The following PDE4B variants were observed in gnomAD, a reference collection of about 807,000 sequenced individuals.
PDE4B encodes 3',5'-cyclic-AMP phosphodiesterase 4B.
A neutral mutation model predicts 82.2 loss-of-function variants in PDE4B; 20 were observed. The observed-to-expected ratio is 0.24, with a 90% CI of 0.17 to 0.35. PDE4B has a LOEUF of 0.35. Ranked by LOEUF, PDE4B falls within the 10% of genes least tolerant of loss-of-function variation. The pLI is 1.00. For missense variants in PDE4B, 655 were observed against 907.2 expected, an observed-to-expected ratio of 0.72 and a Z score of 3.57; for synonymous variants, 320 against 318.9, an observed-to-expected ratio of 1.00 and a Z score of -0.04.
intron 4 of PDE4B, chr1:66,257,397 T>C (rs1180408372): frequency 1.5e-6 from 1 of 687,748 alleles, no homozygotes; most frequent in Admixed American, 2.0e-5. Context: ...TGAGGATATA[T>C]GCTTACTTGC....
At chr1:66,055,346 A>G (rs998740597) in intron 3 of PDE4B, among the ~76,000 whole-genome samples, 11 of 152,334 alleles carry the variant, frequency 7.2e-5, no homozygotes, top group African/African-American at 2.6e-4. Flanking sequence ...TTGAGCCTCG[A>G]TTATCTTTTG....
chr1:65,818,710 A>G (rs1645915827), intron 1 of PDE4B, among the ~76,000 whole-genome samples: 1 of 149,810 alleles, frequency 6.7e-6, no homozygotes, highest in Admixed American at 6.7e-5. Flanking sequence ...ATATAAAATA[A>G]CAAAAATCTT....
intron 7 of PDE4B, among the ~76,000 whole-genome samples, chr1:66,272,263 C>G (rs17097232): frequency 3.3e-5 from 5 of 152,136 alleles, no homozygotes; most frequent in African/African-American, 9.7e-5. Context: ...GCCAGAGATT[C>G]GCCTCACACA....
At chr1:66,143,865 C>T (rs1646220531) in intron 3 of PDE4B, among the ~76,000 whole-genome samples, 1 of 152,120 alleles carries the variant, frequency 6.6e-6, no homozygotes, top group Admixed American at 6.6e-5. Context: ...ACCACGATGG[C>T]AGATGTCTTG....
chr1:66,040,891 A>G (rs1654330984), intron 3 of PDE4B, among the ~76,000 whole-genome samples: 1 of 151,936 alleles, frequency 6.6e-6, no homozygotes, highest in Admixed American at 6.6e-5. Context: ...AAAAGGAAGT[A>G]GGAAAGACAA....
At chr1:66,130,338 T>C (rs757093163) in intron 3 of PDE4B, among the ~76,000 whole-genome samples, 22 of 152,238 alleles carry the variant, frequency 1.4e-4, no homozygotes, top group Admixed American at 5.2e-4. Context: ...CGTTCATTCA[T>C]TTATTCTTTC....
intron 3 of PDE4B, chr1:65,992,366 T>A (rs1218316234): frequency 6.6e-6 from 1 of 152,214 alleles, no homozygotes; most frequent in African/African-American, 2.4e-5. Flanking sequence ...GTAGGTGGAG[T>A]TACTGTTGTG....
intron 12 of PDE4B, among the ~76,000 whole-genome samples, chr1:66,363,787 A>T (rs180866475): frequency 1.3e-5 from 2 of 152,138 alleles, no homozygotes; most frequent in African/African-American, 2.4e-5. Flanking sequence ...AAAATAAAAA[A>T]AATTTAAAAA....
intron 3 of PDE4B, among the ~76,000 whole-genome samples, chr1:66,205,650 TA>T (rs1181619257): frequency 6.6e-6 from 1 of 152,266 alleles, no homozygotes; most frequent in Non-Finnish European, 1.5e-5. Context: ...CACAGTTTGC[TA>T]TGGCTTACAA....
At chr1:66,072,017 A>C (rs150957842) in intron 3 of PDE4B, among the ~76,000 whole-genome samples, 1 of 152,072 alleles carries the variant, frequency 6.6e-6, no homozygotes, top group African/African-American at 2.4e-5. Flanking sequence ...GCACCAGTAC[A>C]TCTCCAAGAC....
chr1:65,825,705 C>CTATCTATTTATCTAT, intron 1 of PDE4B, among the ~76,000 whole-genome samples: 1 of 107,448 alleles, frequency 9.3e-6, no homozygotes, highest in Admixed American at 9.1e-5. Context: ...AACAAAATTA[C>CTATCTATTTATCTAT]CTATCTATCT....
intron 3 of PDE4B, among the ~76,000 whole-genome samples, chr1:65,925,912 CT>C (rs1288501610): frequency 2.0e-5 from 3 of 152,166 alleles, no homozygotes; most frequent in African/African-American, 7.2e-5. Flanking sequence ...CCCTCAACCC[CT>C]GGCCCTGCTT....
rs549512705 is a variant in PDE4B, at chr1:66,236,755, C to A, written c.282-10705C>A. ...GGGTTCAGGACAGAGGAGTTGGCTT[C>A]TGATAAAATCACAGAAATGTATCCA... On this transcript the variant is annotated intron_variant, in intron 3 of 16. Coordinates refer to ENST00000341517, the MANE Select transcript of PDE4B (RefSeq NM_002600.4). 7.9e-5 allele frequency among the ~76,000 whole-genome samples: 12 copies of A among 152,162 alleles called. No individual in the cohort carries two copies. In the South Asian group the frequency reaches 2.3e-3, roughly 29 times the overall value.
intron 1 of PDE4B, among the ~76,000 whole-genome samples, chr1:65,888,299 G>A (rs1359200670): frequency 6.6e-6 from 1 of 152,022 alleles, no homozygotes; most frequent in Non-Finnish European, 1.5e-5. Flanking sequence ...TTTGTCCCGT[G>A]GTGTATGTGT....
chr1:66,332,285 C>G (rs559557910), intron 7 of PDE4B: 2 of 1,510,930 alleles, frequency 1.3e-6, no homozygotes, highest in Non-Finnish European at 1.8e-6. Context: ...CTCATCCAGG[C>G]GGGGGGTTGG....
At chr1:66,334,143 A>C (rs533606657) in intron 8 of PDE4B, among the ~76,000 whole-genome samples, 4 of 152,338 alleles carry the variant, frequency 2.6e-5, no homozygotes, top group South Asian at 4.1e-4. Flanking sequence ...CGGCTATGCA[A>C]GATGTAGATC....
At chr1:65,904,373 A>G (rs1230110836) in intron 1 of PDE4B, among the ~76,000 whole-genome samples, 1 of 152,218 alleles carries the variant, frequency 6.6e-6, no homozygotes, top group Non-Finnish European at 1.5e-5. Context: ...GAAACATAAG[A>G]TAAAACAGAG....
At chr1:66,173,671 CT>C (rs1646880489) in intron 3 of PDE4B, among the ~76,000 whole-genome samples, 1 of 152,210 alleles carries the variant, frequency 6.6e-6, no homozygotes, top group Non-Finnish European at 1.5e-5. Context: ...CTAGAGTATC[CT>C]TATAAGCCCT....
intron 11 of PDE4B, 43 bp downstream of exon 11, chr1:66,363,309 T>C (rs776645072): frequency 3.6e-5 from 56 of 1,541,114 alleles, no homozygotes; most frequent in Non-Finnish European, 4.8e-5. Flanking sequence ...ATTGGATGGC[T>C]CTTTATGATT....
Sources: gnomAD v4.1 joint callset for allele counts (sites outside exome capture counted in the v4.1 genomes callset) on GRCh38, gnomAD v4.1.1 for gene constraint, MANE v1.5 for transcripts, NCBI Gene and HGNC (gene_info 2026-07-23, HGNC 2026-07-21) for gene names.